RNF6: variants seen among roughly 807,000 people sequenced by gnomAD.
The protein encoded by RNF6 is ring finger protein 6.
A neutral mutation model predicts 50.1 loss-of-function variants in RNF6; 21 were observed. That is an observed-to-expected ratio of 0.42 (90% CI 0.30 to 0.60). The LOEUF (loss-of-function observed/expected upper bound fraction) is 0.60. Ranked by LOEUF, RNF6 falls within the 20% of genes least tolerant of loss-of-function variation. The pLI is 0.20. For synonymous variants in RNF6, 255 were observed against 291.8 expected (o/e 0.87, Z 1.29); for missense variants, 698 against 838.2 (o/e 0.83, Z 2.07).
intron 5 of RNF6, among the ~76,000 whole-genome samples, chr13:26,162,342 C>G (rs1017699569): frequency 6.6e-6 from 1 of 152,180 alleles, no homozygotes; most frequent in African/African-American, 2.4e-5. Context: ...CTAGGGAAAT[C>G]GCAGTAAAGA....
At chr13:26,195,066 A>G (rs1193296645) in intron 5 of RNF6, among the ~76,000 whole-genome samples, 3 of 152,230 alleles carry the variant, frequency 2.0e-5, no homozygotes, top group Non-Finnish European at 2.9e-5. Context: ...CAGTATTTGA[A>G]GACAGAGCTG....
At chr13:26,198,343 A>G (rs1457712905) in intron 5 of RNF6, among the ~76,000 whole-genome samples, 3 of 151,880 alleles carry the variant, frequency 2.0e-5, no homozygotes, top group Non-Finnish European at 2.9e-5. Flanking sequence ...TCTACCATCA[A>G]CTGATTGGAT....
chr13:26,211,311 A>G (rs936329443), downstream of RNF6, among the ~76,000 whole-genome samples: 1 of 152,180 alleles, frequency 6.6e-6, no homozygotes, highest in Non-Finnish European at 1.5e-5. Context: ...TGCTAGTAAC[A>G]TTATCATGTC....
At chr13:26,209,017 A>C (rs1304026562), downstream of RNF6, among the ~76,000 whole-genome samples, 2 of 152,254 alleles carry the variant, frequency 1.3e-5, no homozygotes, top group African/African-American at 4.8e-5. Context: ...TCCTTTAGCA[A>C]ATTGAGAACA....
chr13:26,167,664 C>T (rs1286491266), intron 5 of RNF6, among the ~76,000 whole-genome samples: 1 of 152,134 alleles, frequency 6.6e-6, no homozygotes, highest in Non-Finnish European at 1.5e-5. Flanking sequence ...GAGCTAAAAA[C>T]AGAACTACTA....
intron 5 of RNF6, among the ~76,000 whole-genome samples, chr13:26,191,221 G>T (rs1450139382): frequency 2.6e-5 from 4 of 152,078 alleles, no homozygotes; most frequent in Non-Finnish European, 5.9e-5. Context: ...AAATGGCTAA[G>T]GGACATTCTT....
chr13:26,183,998 A>G (rs1873369742), intron 5 of RNF6, among the ~76,000 whole-genome samples: 2 of 21,568 alleles, frequency 9.3e-5, no homozygotes, highest in African/African-American at 2.0e-4. Context: ...TAAAATATAT[A>G]TATATATATA....
intron 5 of RNF6, among the ~76,000 whole-genome samples, chr13:26,174,550 G>T (rs1028117088): frequency 1.3e-5 from 2 of 151,684 alleles, no homozygotes. Flanking sequence ...CAGCTACTCA[G>T]AGGCCCAGAG....
chr13:26,219,496 A>C lies in RNF6; in HGVS notation c.154T>G (p.Tyr52Asp). The change falls in exon 3 of 5, where the codon TAT becomes GAT. Residue 52 changes from tyrosine (Y) to aspartate (D), a missense_variant. By Grantham distance (160) the Tyr-to-Asp change is radical. Coordinates refer to ENST00000381588, the MANE Select transcript of RNF6 (RefSeq NM_005977.4). ...AGATTATGGTCTCTCATAAGCCGATAATCTTCATCATTGAGTTCATTAATA... is the reference window on the plus strand; with the variant it reads ...AGATTATGGTCTCTCATAAGCCGATCATCTTCATCATTGAGTTCATTAATA... ...QFINELNDED[Y>D]RLMRDHNLLG... 1 of 1,613,892 alleles carries C rather than the reference A, an allele frequency of 6.2e-7. No individual in the cohort carries two copies. The highest frequency in any genetic ancestry group is 8.5e-7 in the Non-Finnish European group (1 of 1,179,880).
At chr13:26,182,449 T>G (rs111790811) in intron 5 of RNF6, among the ~76,000 whole-genome samples, 304 of 152,348 alleles carry the variant, frequency 2.0e-3, no homozygotes, top group African/African-American at 6.9e-3. Context: ...GATGATAAAT[T>G]GATCATCTAA....
downstream of RNF6, among the ~76,000 whole-genome samples, chr13:26,210,145 G>C (rs1869265391): frequency 6.6e-6 from 1 of 152,184 alleles, no homozygotes; most frequent in Non-Finnish European, 1.5e-5. Context: ...AACGATAGAT[G>C]AATCTGGCTT....
intron 5 of RNF6, among the ~76,000 whole-genome samples, chr13:26,162,390 C>T (rs527623153): frequency 2.6e-5 from 4 of 152,340 alleles, no homozygotes; most frequent in Admixed American, 6.5e-5. Flanking sequence ...TGTCTTCTGC[C>T]TCCTGAGGAA....
At chr13:26,210,017 T>C (rs553443881), downstream of RNF6, among the ~76,000 whole-genome samples, 76 of 152,322 alleles carry the variant, frequency 5.0e-4, no homozygotes, top group South Asian at 0.015. Flanking sequence ...GGCAAATATA[T>C]TCAGGGACTA....
At chr13:26,167,901 T>C (rs4770935) in intron 5 of RNF6, among the ~76,000 whole-genome samples, 112,895 of 151,526 alleles carry the variant, frequency 0.75, 42,302 homozygotes, top group East Asian at 0.8. Context: ...TGCAAGAACA[T>C]GGATGGAACT....
intron 5 of RNF6, among the ~76,000 whole-genome samples, chr13:26,199,684 T>C (rs111749740): frequency 0.029 from 4,443 of 152,100 alleles, 239 homozygotes; most frequent in African/African-American, 0.1. Context: ...TCCTAATACA[T>C]AAAGAATTAT....
chr13:26,185,842 T>G (rs192592438), intron 5 of RNF6, among the ~76,000 whole-genome samples: 79 of 152,336 alleles, frequency 5.2e-4, no homozygotes, highest in African/African-American at 1.8e-3. Context: ...ACGAACCTTG[T>G]GCCTTTCCAA....
At chr13:26,141,525 A>G (rs527567034) in intron 5 of RNF6, among the ~76,000 whole-genome samples, 3 of 152,160 alleles carry the variant, frequency 2.0e-5, no homozygotes, top group Non-Finnish European at 4.4e-5. Flanking sequence ...ACTGGTACAA[A>G]AGGAGACACA....
At chr13:26,132,602 T>G (rs1284452469) in intron 5 of RNF6, among the ~76,000 whole-genome samples, 1 of 152,186 alleles carries the variant, frequency 6.6e-6, no homozygotes, top group African/African-American at 2.4e-5. Flanking sequence ...ACATCACACT[T>G]TAATATAAAC....
intron 5 of RNF6, among the ~76,000 whole-genome samples, chr13:26,187,967 T>A (rs1312466913): frequency 6.6e-6 from 1 of 152,184 alleles, no homozygotes; most frequent in African/African-American, 2.4e-5. Flanking sequence ...GAACTAGAAG[T>A]CAACAAGTGA....
Sources: allele counts gnomAD v4.1 joint callset (sites outside exome capture counted in the v4.1 genomes callset), GRCh38; gene constraint gnomAD v4.1.1; transcripts MANE v1.5; gene names NCBI Gene and HGNC (gene_info 2026-07-23, HGNC 2026-07-21).